MICAL2: variants seen among roughly 807,000 people sequenced by gnomAD.
MICAL2 encodes microtubule associated monooxygenase, calponin and LIM domain containing 2.
In MICAL2, 77 loss-of-function variants were observed where a neutral mutation model predicts 127.3. That is an observed-to-expected ratio of 0.60 (90% CI 0.50 to 0.73). MICAL2 has a LOEUF of 0.73. MICAL2 is among the 30% of genes least tolerant of loss of function. The pLI is 0.00. For synonymous variants in MICAL2, 570 were observed against 551.1 expected, an observed-to-expected ratio of 1.03 and a Z score of -0.48; for missense variants, 1,351 against 1,434.4, an observed-to-expected ratio of 0.94 and a Z score of 0.94.
At chr11:12,290,014 C>T (rs1361803225), downstream of MICAL2, among the ~76,000 whole-genome samples, 1 of 152,174 alleles carries the variant, frequency 6.6e-6, no homozygotes, top group African/African-American at 2.4e-5. Context: ...GAGTGGACTT[C>T]CAGGCTCCCC....
intron 22 of MICAL2, chr11:12,252,900 A>G (rs966244571): frequency 1.3e-5 from 2 of 152,220 alleles, no homozygotes; most frequent in Admixed American, 1.3e-4. Flanking sequence ...TGCAGCCTCC[A>G]TTGCTGCTCT....
At position 12,258,623 on chromosome 11, in the gene MICAL2, C is replaced by T. The variant is rs114431965; in HGVS notation, c.3231+67C>T. On this transcript the variant is annotated intron_variant, in intron 25 of 27. Transcript: ENST00000683283. ...CTTGATAAGGGTTTCCAGTGATCCTCAAAGTTAGGCCAGCTTTGCTGGCCC... is the reference window on the plus strand; with the variant it reads ...CTTGATAAGGGTTTCCAGTGATCCTTAAAGTTAGGCCAGCTTTGCTGGCCC... 5,195 of 1,436,476 alleles carry T rather than the reference C, an allele frequency of 3.6e-3. 165 individuals carry two copies. The African/African-American group carries it at 0.066, about 18-fold the overall frequency. The allele number at this position is 1,436,476 out of a possible 1,614,324, so 89.0% of individuals were successfully genotyped here. A position where few individuals can be genotyped will look rare whatever the true frequency, so the allele number is the denominator to read the frequency against.
intron 3 of MICAL2, among the ~76,000 whole-genome samples, chr11:12,166,915 G>C (rs1855571785): frequency 6.6e-6 from 1 of 152,168 alleles, no homozygotes; most frequent in Non-Finnish European, 1.5e-5. Flanking sequence ...ATTCTAGGGA[G>C]AGTGTGTTGC....
chr11:12,294,957 T>A (rs1347732751), downstream of MICAL2: 1 of 1,347,130 alleles, frequency 7.4e-7, no homozygotes, highest in Non-Finnish European at 9.5e-7. Flanking sequence ...GTTTTGCTTC[T>A]CAAATACTAA....
At chr11:12,182,760 C>T (rs1003348247) in intron 3 of MICAL2, among the ~76,000 whole-genome samples, 1 of 152,186 alleles carries the variant, frequency 6.6e-6, no homozygotes, top group Admixed American at 6.5e-5. Flanking sequence ...CGTTCAGACC[C>T]TTTCTGACCC....
At chr11:12,297,342 A>T (rs1908229) in intron 29 of MICAL2, among the ~76,000 whole-genome samples, 70,661 of 151,932 alleles carry the variant, frequency 0.47, 17,762 homozygotes, top group Non-Finnish European at 0.57. Flanking sequence ...ACCAGTTGAT[A>T]CTGTCCTTTG....
chr11:12,253,618 C>T (rs538883954), intron 22 of MICAL2: 1 of 152,278 alleles, frequency 6.6e-6, no homozygotes, highest in South Asian at 2.1e-4. Flanking sequence ...AAAGGTTTTC[C>T]CTGAGTTCTA....
At chr11:12,342,245 T>A (rs1376473496) in intron 32 of MICAL2, among the ~76,000 whole-genome samples, 1 of 152,052 alleles carries the variant, frequency 6.6e-6, no homozygotes, top group Non-Finnish European at 1.5e-5. Flanking sequence ...GTCATAAGAG[T>A]CCCAGCCATG....
intron 29 of MICAL2, chr11:12,319,623 G>A: frequency 1.8e-6 from 2 of 1,091,026 alleles, no homozygotes; most frequent in Middle Eastern, 2.0e-4. Context: ...GGGGGAGGAG[G>A]AAGCAGCAGC....
downstream of MICAL2, among the ~76,000 whole-genome samples, chr11:12,361,037 AT>A (rs562709454): frequency 1.5e-4 from 23 of 152,342 alleles, 1 homozygote; most frequent in South Asian, 2.5e-3. Context: ...TATGAGTAGG[AT>A]TATGATGAAA....
At chr11:12,311,563 G>T (rs181724918) in intron 29 of MICAL2, among the ~76,000 whole-genome samples, 2 of 152,048 alleles carry the variant, frequency 1.3e-5, no homozygotes, top group African/African-American at 4.8e-5. Flanking sequence ...CCACCACACC[G>T]GCTAATTTTT....
chr11:12,242,781 G>A lies in MICAL2; in HGVS notation c.2658+9G>A. ...ACGGGGATTTCCCGCAGGTAAACAT[G>A]GGGCTTTCAGAGCCCCCAGGAACCT... On this transcript the variant is annotated intron_variant, in intron 20 of 27. Coordinates refer to ENST00000683283, the MANE Select transcript of MICAL2 (RefSeq NM_001282663.2). The A allele has an allele frequency of 1.3e-6, 2 of 1,591,748 alleles. No individual in the cohort carries two copies. Among genetic ancestry groups the A allele is most frequent in the Non-Finnish European group, 1.7e-6 (2 of 1,170,106 alleles).
downstream of MICAL2, among the ~76,000 whole-genome samples, chr11:12,265,583 A>C (rs1863593740): frequency 6.6e-6 from 1 of 152,226 alleles, no homozygotes; most frequent in Non-Finnish European, 1.5e-5. Context: ...ACTAAATGTA[A>C]TAACAAAGAA....
downstream of MICAL2, among the ~76,000 whole-genome samples, chr11:12,268,080 C>T (rs1206707191): frequency 6.6e-6 from 1 of 152,210 alleles, no homozygotes; most frequent in Admixed American, 6.5e-5. Flanking sequence ...TGCCCTCTGG[C>T]CTGGACCTCA....
intron 32 of MICAL2, among the ~76,000 whole-genome samples, chr11:12,342,948 G>A (rs1001705910): frequency 2.6e-5 from 4 of 152,156 alleles, no homozygotes; most frequent in African/African-American, 4.8e-5. Context: ...GATGGAAATC[G>A]TAGAGGAGCC....
intron 29 of MICAL2, among the ~76,000 whole-genome samples, chr11:12,309,879 G>A (rs1348188769): frequency 1.3e-5 from 2 of 151,938 alleles, no homozygotes; most frequent in African/African-American, 4.8e-5. Context: ...TTCTAACTGG[G>A]GTGAGATGAT....
chr11:12,343,157 C>G (rs1045746280), intron 32 of MICAL2, among the ~76,000 whole-genome samples: 3 of 152,094 alleles, frequency 2.0e-5, no homozygotes, highest in Non-Finnish European at 4.4e-5. Context: ...CCTGTAATCC[C>G]AGCACTTTGG....
intron 2 of MICAL2, among the ~76,000 whole-genome samples, chr11:12,143,489 A>G (rs1394831126): frequency 3.3e-5 from 5 of 152,238 alleles, no homozygotes; most frequent in African/African-American, 1.2e-4. Context: ...ATGTTTCCAT[A>G]TAGAGAAAGG....
chr11:12,358,893 A>G (rs115412361), downstream of MICAL2: 3,063 of 153,306 alleles, frequency 0.02, 106 homozygotes, highest in African/African-American at 0.07. Flanking sequence ...CCTTTTTTGT[A>G]TGGATGACCA....
Sources: allele counts gnomAD v4.1 joint callset (sites outside exome capture counted in the v4.1 genomes callset), GRCh38; gene constraint gnomAD v4.1.1; transcripts MANE v1.5; gene names NCBI Gene and HGNC (gene_info 2026-07-23, HGNC 2026-07-21).